The following SPINDOC variants were observed in gnomAD, a reference collection of about 807,000 sequenced individuals.
SPINDOC encodes spindlin interactor and repressor of chromatin binding, also known as spindlin interactor and repressor of chromatin-binding protein.
Under a neutral mutation model 30.7 loss-of-function variants are expected in SPINDOC, and 13 were observed. The observed-to-expected ratio is 0.42, with a 90% CI of 0.28 to 0.67. The LOEUF (loss-of-function observed/expected upper bound fraction) is 0.67. Among genes scored for constraint, SPINDOC ranks in the 30% least tolerant of loss-of-function variants. The pLI is 0.22. For missense variants in SPINDOC, 438 were observed against 518.0 expected, an observed-to-expected ratio of 0.85 and a Z score of 1.50; for synonymous variants, 228 against 211.4, an observed-to-expected ratio of 1.08 and a Z score of -0.68.
At position 63,818,291 on chromosome 11, in the gene SPINDOC, T is replaced by C; in HGVS notation, c.533T>C (p.Leu178Pro). ...AGAATGCCAGCCGAAATCGTCGTTC[T>C]CCTTGACTCTGAGGATAACCCATCC... ...AARMPAEIVV[L>P]LDSEDNPSLP... Residue 178 changes from leucine (L) to proline (P), a missense_variant, in exon 3 of 6, where the codon CTC becomes CCC. By Grantham distance (98) the Leu-to-Pro change is moderately conservative (BLOSUM62 -3). This residue lies in a region of SPINDOC where 300 missense variants were observed against 332.8 expected (regional missense o/e 0.90). Transcript: ENST00000294244. The surrounding 1 kb of genome is among the most constrained non-coding windows in gnomAD (Gnocchi z 5.3). 1 of 1,613,912 alleles carries C rather than the reference T, an allele frequency of 6.2e-7. No individual in the cohort carries two copies. Among genetic ancestry groups the C allele is most frequent in the Non-Finnish European group, 8.5e-7 (1 of 1,179,990 alleles).
chr11:63,814,162 C>T (rs1278968474), intron 1 of SPINDOC, among the ~76,000 whole-genome samples: 1 of 152,204 alleles, frequency 6.6e-6, no homozygotes, highest in Non-Finnish European at 1.5e-5. Context: ...TTGCGGCCGC[C>T]GTCTCACAGC....
At chr11:63,821,375 G>C (rs1056105866) in intron 5 of SPINDOC, among the ~76,000 whole-genome samples, 1 of 152,106 alleles carries the variant, frequency 6.6e-6, no homozygotes, top group African/African-American at 2.4e-5. Flanking sequence ...ATCTCTTTTT[G>C]AGTCCGCTGA....
At position 63,818,722 on chromosome 11, in the gene SPINDOC, A is replaced by G; in HGVS notation, c.733+70A>G. On this transcript the variant is annotated intron_variant, in intron 4 of 5. Coordinates refer to ENST00000294244, the MANE Select transcript of SPINDOC (RefSeq NM_138471.3). The surrounding 1 kb of genome is among the most constrained non-coding windows in gnomAD (Gnocchi z 5.3). Reference sequence around the variant, plus strand: ...TCTGAGGAAATCCGCATCAGTGAGGATGGAGCAGGGCCTGGGCGCAGGGCG... The same window carrying G: ...TCTGAGGAAATCCGCATCAGTGAGGGTGGAGCAGGGCCTGGGCGCAGGGCG... 5.0e-6 allele frequency: 8 copies of G among 1,611,784 alleles called. No individual in the cohort carries two copies. The highest frequency in any genetic ancestry group is 6.8e-6 in the Non-Finnish European group (8 of 1,179,348).
chr11:63,824,943 C>A (rs551630116), intron 5 of SPINDOC, among the ~76,000 whole-genome samples: 70 of 152,244 alleles, frequency 4.6e-4, no homozygotes, highest in African/African-American at 1.5e-3. Context: ...AGCATCTGTC[C>A]AGCAGCCGAT....
Sources: allele counts gnomAD v4.1 joint callset (sites outside exome capture counted in the v4.1 genomes callset), GRCh38; gene constraint gnomAD v4.1.1; regional missense constraint gnomAD v4.1.1; non-coding constraint Gnocchi (gnomAD v3.1); transcripts MANE v1.5; gene names NCBI Gene and HGNC (gene_info 2026-07-23, HGNC 2026-07-21).